Variants in TYW1 observed in about 807,000 individuals in gnomAD.
The protein encoded by TYW1 is tRNA-yW synthesizing protein 1 homolog.
In TYW1, 46 loss-of-function variants were observed where a neutral mutation model predicts 96.2. The ratio of observed to expected loss-of-function variants is 0.48; its 90% confidence interval spans 0.38 to 0.61. The LOEUF (loss-of-function observed/expected upper bound fraction) is 0.61. TYW1 is among the 20% of genes least tolerant of loss of function. TYW1 has a pLI of 0.00. For synonymous variants in TYW1, 274 were observed against 323.0 expected (o/e 0.85, Z 1.63); for missense variants, 684 against 909.6 (o/e 0.75, Z 3.19).
At chr7:67,114,746 A>G (rs1797538294) in intron 12 of TYW1, among the ~76,000 whole-genome samples, 1 of 152,210 alleles carries the variant, frequency 6.6e-6, no homozygotes, top group South Asian at 2.1e-4. Context: ...GAGCCTCATT[A>G]TCTCTTCTGG....
intron 11 of TYW1, among the ~76,000 whole-genome samples, chr7:67,093,737 C>T (rs1164906116): frequency 6.6e-6 from 1 of 152,074 alleles, no homozygotes; most frequent in Non-Finnish European, 1.5e-5. Context: ...TACATTCTTA[C>T]AATTGCAGTT....
At chr7:67,113,385 A>C (rs930492821) in intron 12 of TYW1, among the ~76,000 whole-genome samples, 4 of 152,220 alleles carry the variant, frequency 2.6e-5, no homozygotes, top group Non-Finnish European at 5.9e-5. Flanking sequence ...TTTCTTCCTG[A>C]GGACTTGTTG....
chr7:67,204,563 T>TCTTCTTC (rs1421789743), intron 15 of TYW1, among the ~76,000 whole-genome samples: 1 of 144,938 alleles, frequency 6.9e-6, no homozygotes, highest in Non-Finnish European at 1.5e-5. Context: ...TCTTCTTCTT[T>TCTTCTTC]CTTCTTCCTT....
Position 67,079,863 on chromosome 7 carries a change from A to C in TYW1, c.1275-3567A>C, listed in dbSNP as rs562480334. ...TTCATTGACTCATTGGCTGTTCAAG[A>C]GTGTGCTATTTGGTTTCCATTACTT... On this transcript the variant is annotated intron_variant, in intron 10 of 15. Coordinates refer to ENST00000359626, the MANE Select transcript of TYW1 (RefSeq NM_018264.4). 8.3e-4 allele frequency among the ~76,000 whole-genome samples: 127 copies of C among 152,232 alleles called. 1 individual carries two copies. The highest frequency in any genetic ancestry group is 3.0e-3 in the African/African-American group (123 of 41,534).
intron 14 of TYW1, among the ~76,000 whole-genome samples, chr7:67,185,650 A>C (rs1799994973): frequency 3.9e-5 from 6 of 151,944 alleles, no homozygotes; most frequent in Admixed American, 3.9e-4. Flanking sequence ...TGTTGGCAAC[A>C]TTAAATTTGA....
intron 13 of TYW1, among the ~76,000 whole-genome samples, chr7:67,147,491 T>C (rs1005122317): frequency 1.3e-5 from 2 of 152,190 alleles, no homozygotes; most frequent in South Asian, 2.1e-4. Context: ...ACTTGTGTCA[T>C]GGGAGTTCGT....
chr7:67,157,778 G>C (rs559766996), intron 13 of TYW1, among the ~76,000 whole-genome samples: 6 of 152,106 alleles, frequency 3.9e-5, no homozygotes, highest in Non-Finnish European at 7.4e-5. Context: ...TGAAAGTTTT[G>C]AGCAGGACTG....
intron 13 of TYW1, among the ~76,000 whole-genome samples, chr7:67,141,345 G>A (rs1798442340): frequency 6.6e-6 from 1 of 152,152 alleles, no homozygotes; most frequent in South Asian, 2.1e-4. Flanking sequence ...AATACATCAT[G>A]TATATTTATT....
intron 14 of TYW1, among the ~76,000 whole-genome samples, chr7:67,184,075 T>C (rs915762216): frequency 3.9e-5 from 6 of 152,204 alleles, no homozygotes; most frequent in African/African-American, 1.4e-4. Flanking sequence ...TACCTCGGCC[T>C]CTCAAAGTGC....
rs369471651 is a variant in TYW1 at position 67,183,250 on chromosome 7, G to A, written c.1809+14G>A. ...ATCGAAGTGAAGGTAAGCCCCTGCT[G>A]ACTCTGGTGGCTGTGGTGGAGTGAC... is the stretch of plus-strand genomic sequence containing the variant. On this transcript the variant is annotated intron_variant, in intron 14 of 15. Transcript: ENST00000359626. 5,234 of 1,589,134 alleles carry A rather than the reference G, an allele frequency of 3.3e-3. 7 individuals are homozygous for A. The highest frequency in any genetic ancestry group is 4.3e-3 in the Non-Finnish European group (5,004 of 1,167,224).
intron 15 of TYW1, among the ~76,000 whole-genome samples, chr7:67,230,793 C>T (rs1801730737): frequency 6.6e-6 from 1 of 151,698 alleles, no homozygotes. Context: ...GCTGGGACTA[C>T]AGGAGGCTGC....
At chr7:67,095,212 T>C (rs1247208308) in intron 11 of TYW1, among the ~76,000 whole-genome samples, 2 of 152,094 alleles carry the variant, frequency 1.3e-5, no homozygotes, top group African/African-American at 4.8e-5. Flanking sequence ...TTGGCCGAGC[T>C]GGTCTTGAAC....
intron 8 of TYW1, among the ~76,000 whole-genome samples, chr7:67,055,451 C>T (rs55731089): frequency 0.24 from 36,082 of 151,102 alleles, 4,281 homozygotes; most frequent in African/African-American, 0.31. Context: ...ACAAAAAAAT[C>T]AGCCTGGCAG....
chr7:67,239,192 C>T lies in TYW1; in HGVS notation c.*663C>T, dbSNP rs996175613. On this transcript the variant is annotated 3_prime_UTR_variant, in exon 16 of 16. Transcript: ENST00000359626. ...ACAGACCGCAGTACCGGGGCTGGAG[C>T]GGAGTGAAGCTGTCTGCTGTAAGAG... The T allele has an allele frequency of 5.1e-6, 5 of 985,238 alleles. No homozygotes were observed. Among genetic ancestry groups the T allele is most frequent in the African/African-American group, 3.5e-5 (2 of 57,214 alleles). The allele number at this position is 985,238 out of a possible 1,614,324, so 61.0% of individuals were successfully genotyped here. A position where few individuals can be genotyped will look rare whatever the true frequency, so the allele number is the denominator to read the frequency against.
intron 15 of TYW1, among the ~76,000 whole-genome samples, chr7:67,222,061 G>A (rs1801408106): frequency 6.6e-6 from 1 of 152,034 alleles, no homozygotes; most frequent in Non-Finnish European, 1.5e-5. Flanking sequence ...TCCAGGCATT[G>A]TGGTGGGCGC....
chr7:67,089,440 G>A, intron 11 of TYW1: 1 of 1,229,466 alleles, frequency 8.1e-7, no homozygotes, highest in Non-Finnish European at 1.2e-6. Flanking sequence ...AGACTCCACT[G>A]CAGGTGGAAG....
chr7:67,049,001 G>T (rs144130868), intron 7 of TYW1, among the ~76,000 whole-genome samples: 1 of 152,220 alleles, frequency 6.6e-6, no homozygotes, highest in Non-Finnish European at 1.5e-5. Context: ...GTGACAAAGC[G>T]AGACTCTGTT....
At chr7:67,191,434 T>C (rs909892099) in intron 14 of TYW1, among the ~76,000 whole-genome samples, 2 of 152,008 alleles carry the variant, frequency 1.3e-5, no homozygotes, top group Admixed American at 1.3e-4. Flanking sequence ...GCCTGCAGAT[T>C]CTGGTGTGAG....
In TYW1 at chr7:67,238,989, A is replaced by T. The variant is rs1584732162; in HGVS notation, c.*460A>T. 1.5e-5 allele frequency: 15 copies of T among 993,576 alleles called. No individual in the cohort carries two copies. Among genetic ancestry groups the T allele is most frequent in the Non-Finnish European group, 1.8e-5 (15 of 834,012 alleles). The allele number at this position is 993,576 out of a possible 1,614,324, so 61.5% of individuals were successfully genotyped here. A position where few individuals can be genotyped will look rare whatever the true frequency, so the allele number is the denominator to read the frequency against. ...ACGTGTCTGTGCTTTCTAAGATAAG[A>T]GCTTGATCCCTTTCTTCTATCTTAA... On this transcript the variant is annotated 3_prime_UTR_variant, in exon 16 of 16. Coordinates refer to ENST00000359626, the MANE Select transcript of TYW1 (RefSeq NM_018264.4).
Sources: allele counts gnomAD v4.1 joint callset (sites outside exome capture counted in the v4.1 genomes callset), GRCh38; gene constraint gnomAD v4.1.1; transcripts MANE v1.5; gene names NCBI Gene and HGNC (gene_info 2026-07-23, HGNC 2026-07-21).